SCFD2: variants seen among roughly 807,000 people sequenced by gnomAD.
The protein encoded by SCFD2 is sec1 family domain-containing protein 2.
In SCFD2, 54 loss-of-function variants were observed where a neutral mutation model predicts 58.9. The observed-to-expected ratio is 0.92, with a 90% CI of 0.74 to 1.15. SCFD2 has a LOEUF of 1.15. Among genes scored for constraint, SCFD2 ranks in the 50% most tolerant of loss-of-function variants. The pLI, the probability that SCFD2 is intolerant of heterozygous loss-of-function variation, is 0.00. For synonymous variants in SCFD2, 321 were observed against 335.9 expected (o/e 0.96, Z 0.49); for missense variants, 805 against 836.6 (o/e 0.96, Z 0.47).
At chr4:52,976,449 C>T (rs1407195865) in intron 5 of SCFD2, among the ~76,000 whole-genome samples, 4 of 152,142 alleles carry the variant, frequency 2.6e-5, no homozygotes, top group African/African-American at 7.2e-5. Context: ...TCTCTTTAAT[C>T]ACAAGTATCA....
intron 2 of SCFD2, among the ~76,000 whole-genome samples, chr4:53,349,914 G>A (rs1236683920): frequency 6.6e-6 from 1 of 152,128 alleles, no homozygotes; most frequent in Non-Finnish European, 1.5e-5. Context: ...TTAGAGCCAG[G>A]CTGCCTGGGT....
chr4:53,231,352 AAAGC>A (rs1729433282), intron 4 of SCFD2, among the ~76,000 whole-genome samples: 18 of 152,122 alleles, frequency 1.2e-4, no homozygotes, highest in Admixed American at 9.8e-4. Flanking sequence ...CCTTGCTGTC[AAAGC>A]ATGGCGTCTG....
intron 4 of SCFD2, among the ~76,000 whole-genome samples, chr4:53,236,451 G>GATATATATATATATATATATAT (rs146595901): frequency 1.4e-5 from 2 of 144,622 alleles, no homozygotes; most frequent in African/African-American, 5.1e-5. Flanking sequence ...CATATATAAG[G>GATATATATATATATATATATAT]ATATATATAT....
intron 4 of SCFD2, among the ~76,000 whole-genome samples, chr4:53,231,602 G>C (rs1400531296): frequency 6.6e-6 from 1 of 152,028 alleles, no homozygotes; most frequent in African/African-American, 2.4e-5. Context: ...TTATTCTTAA[G>C]GAGAATTTAA....
intron 5 of SCFD2, among the ~76,000 whole-genome samples, chr4:53,097,780 C>T (rs1170914859): frequency 6.6e-6 from 1 of 152,186 alleles, no homozygotes; most frequent in East Asian, 1.9e-4. Context: ...GAGAGGGCAT[C>T]CCTGTCTTGT....
intron 4 of SCFD2, among the ~76,000 whole-genome samples, chr4:53,268,231 G>T (rs1731051251): frequency 6.6e-6 from 1 of 152,094 alleles, no homozygotes; most frequent in Admixed American, 6.5e-5. Flanking sequence ...TCTCGCAGGG[G>T]TTGTTGGAAC....
At chr4:53,189,509 C>T (rs1340402652) in intron 4 of SCFD2, among the ~76,000 whole-genome samples, 2 of 152,170 alleles carry the variant, frequency 1.3e-5, no homozygotes, top group Non-Finnish European at 2.9e-5. Context: ...AACTTCGCTT[C>T]CTTCTTGGCT....
chr4:53,151,608 G>A (rs1009638673), intron 4 of SCFD2, among the ~76,000 whole-genome samples: 1 of 152,172 alleles, frequency 6.6e-6, no homozygotes, highest in Non-Finnish European at 1.5e-5. Context: ...GGCCAGGCTG[G>A]CTGTACACCT....
intron 4 of SCFD2, among the ~76,000 whole-genome samples, chr4:53,211,325 C>T (rs1324745447): frequency 6.6e-6 from 1 of 152,072 alleles, no homozygotes; most frequent in Non-Finnish European, 1.5e-5. Context: ...GGATGCACAC[C>T]CAGGGTGGGC....
chr4:52,988,381 A>C (rs895564820), intron 5 of SCFD2, among the ~76,000 whole-genome samples: 2 of 152,136 alleles, frequency 1.3e-5, no homozygotes, highest in Admixed American at 1.3e-4. Flanking sequence ...AACAGTGAAA[A>C]ACAAAATAAT....
chr4:52,875,409 G>T (rs1718447231), intron 8 of SCFD2, among the ~76,000 whole-genome samples: 1 of 151,446 alleles, frequency 6.6e-6, no homozygotes, highest in Non-Finnish European at 1.5e-5. Flanking sequence ...AGAAGAAGAG[G>T]TGACTATGGG....
intron 5 of SCFD2, among the ~76,000 whole-genome samples, chr4:53,053,020 A>G (rs531758561): frequency 6.6e-6 from 1 of 152,208 alleles, no homozygotes; most frequent in Admixed American, 6.5e-5. Flanking sequence ...TCAGGAGTTC[A>G]AGACTAGCCT....
At chr4:53,060,740 TA>T (rs920946035) in intron 5 of SCFD2, among the ~76,000 whole-genome samples, 9 of 151,862 alleles carry the variant, frequency 5.9e-5, no homozygotes, top group East Asian at 1.9e-4. Context: ...AAAGTATAAT[TA>T]AAAAAATATA....
intron 5 of SCFD2, among the ~76,000 whole-genome samples, chr4:53,105,388 G>C (rs1450322863): frequency 6.6e-6 from 1 of 151,440 alleles, no homozygotes; most frequent in Non-Finnish European, 1.5e-5. Context: ...AAGTGGTCTA[G>C]CTCAGCAGAT....
In SCFD2 at chr4:52,907,610, A is replaced by T; in HGVS notation, c.1708-19T>A. 6.2e-7 allele frequency: 1 copy of T among 1,613,124 alleles called. No homozygotes were observed. On this transcript the variant is annotated intron_variant, in intron 6 of 8. Coordinates refer to ENST00000401642, the MANE Select transcript of SCFD2 (RefSeq NM_152540.4). ...AAGATGCCTGGAAAGACAAAATACT[A>T]TGAGTAAAGGGATTGTTTGGTTTGT...
At chr4:53,101,157 A>G (rs1415270978) in intron 5 of SCFD2, among the ~76,000 whole-genome samples, 1 of 152,178 alleles carries the variant, frequency 6.6e-6, no homozygotes, top group Non-Finnish European at 1.5e-5. Context: ...CATTATAAAG[A>G]GGATTGACTT....
At chr4:53,277,819 G>A (rs1577924134) in intron 3 of SCFD2, among the ~76,000 whole-genome samples, 2 of 152,070 alleles carry the variant, frequency 1.3e-5, no homozygotes, top group South Asian at 2.1e-4. Flanking sequence ...TTGGGAGGCC[G>A]AGGCGGGCAG....
intron 5 of SCFD2, among the ~76,000 whole-genome samples, chr4:53,143,280 T>C (rs948069179): frequency 6.6e-6 from 1 of 152,250 alleles, no homozygotes; most frequent in Non-Finnish European, 1.5e-5. Flanking sequence ...ACATGTCATC[T>C]TGTTATCTGT....
chr4:53,022,749 G>A (rs1318895822), intron 5 of SCFD2, among the ~76,000 whole-genome samples: 2 of 152,132 alleles, frequency 1.3e-5, no homozygotes, highest in Non-Finnish European at 2.9e-5. Flanking sequence ...CTGGTTGGTT[G>A]GCTAGAAGAA....
Sources: gnomAD v4.1 joint callset for allele counts (sites outside exome capture counted in the v4.1 genomes callset) on GRCh38, gnomAD v4.1.1 for gene constraint, MANE v1.5 for transcripts, NCBI Gene and HGNC (gene_info 2026-07-23, HGNC 2026-07-21) for gene names.